SGCZ: variants seen among roughly 807,000 people sequenced by gnomAD.
The protein encoded by SGCZ is sarcoglycan zeta, also known as zeta-sarcoglycan.
In SGCZ, 40 loss-of-function variants were observed where a neutral mutation model predicts 41.3. That is an observed-to-expected ratio of 0.97 (90% CI 0.75 to 1.26). The LOEUF is 1.26. SGCZ is among the 50% of genes most tolerant of loss of function. The pLI is 0.00. For missense variants in SGCZ, 552 were observed against 369.8 expected (o/e 1.49, Z -4.04); for synonymous variants, 206 against 137.5 (o/e 1.50, Z -3.49).
intron 4 of SGCZ, among the ~76,000 whole-genome samples, chr8:14,216,463 A>G (rs1254780191): frequency 6.6e-6 from 1 of 152,184 alleles, no homozygotes. Flanking sequence ...ACAAGTCACA[A>G]ACAAACTTCC....
intron 1 of SGCZ, among the ~76,000 whole-genome samples, chr8:15,061,450 C>G (rs1332561462): frequency 6.6e-6 from 1 of 151,216 alleles, no homozygotes; most frequent in South Asian, 2.1e-4. Context: ...ATTGATGGGT[C>G]CAGCAAACCA....
intron 1 of SGCZ, among the ~76,000 whole-genome samples, chr8:15,195,161 G>A (rs1377840244): frequency 6.6e-6 from 1 of 152,184 alleles, no homozygotes; most frequent in African/African-American, 2.4e-5. Flanking sequence ...TCTAATCTAA[G>A]TCTTATCTAG....
rs1296014071 is a variant in SGCZ at position 14,324,206 on chromosome 8, T to C, written c.235-2A>G. The C allele has an allele frequency of 1.2e-6, 2 of 1,603,444 alleles. No homozygotes were observed. Among genetic ancestry groups the C allele is most frequent in the Non-Finnish European group, 1.7e-6 (2 of 1,171,160 alleles). On this transcript the variant is annotated splice_acceptor_variant, in intron 2 of 7. Coordinates refer to ENST00000382080, the MANE Select transcript of SGCZ (RefSeq NM_139167.4). LOFTEE classifies it high-confidence loss of function. ...GACTCTCAGATTTCCCATACCATCC[T>C]ACAAGCAATGAAATATAGTTCACTT...
intron 4 of SGCZ, among the ~76,000 whole-genome samples, chr8:14,194,225 G>A (rs780585442): frequency 6.6e-6 from 1 of 151,762 alleles, no homozygotes; most frequent in African/African-American, 2.4e-5. Flanking sequence ...ATGCAATAGT[G>A]GTAAGCAAGA....
intron 1 of SGCZ, among the ~76,000 whole-genome samples, chr8:14,825,791 G>T (rs1802287337): frequency 6.6e-6 from 1 of 152,104 alleles, no homozygotes. Flanking sequence ...ATGTAAGTGA[G>T]ATCATGTGGT....
chr8:14,255,541 ATTTGT>A lies in SGCZ; in HGVS notation c.337-17867_337-17863del, dbSNP rs148163220. 6.9e-3 allele frequency among the ~76,000 whole-genome samples: 1,051 copies of A among 152,242 alleles called. 12 individuals carry two copies. Among genetic ancestry groups the A allele is most frequent in the African/African-American group, 0.024 (999 of 41,534 alleles). On this transcript the variant is annotated intron_variant, in intron 3 of 7. Transcript: ENST00000382080. Reference sequence around the variant, plus strand: ...TGATAAAAAGACAATTACATTATAAATTTGTTTTATCATCGCTAAAAAGACAAAGT... The same window carrying A: ...TGATAAAAAGACAATTACATTATAAATTTATCATCGCTAAAAAGACAAAGT...
chr8:14,529,602 A>G (rs1313590968), intron 2 of SGCZ, among the ~76,000 whole-genome samples: 1 of 152,120 alleles, frequency 6.6e-6, no homozygotes, highest in Non-Finnish European at 1.5e-5. Context: ...TGCAATGGAG[A>G]GGTTTTATGT....
chr8:14,846,277 A>T (rs966071480), intron 1 of SGCZ, among the ~76,000 whole-genome samples: 3 of 152,164 alleles, frequency 2.0e-5, no homozygotes, highest in Admixed American at 6.5e-5. Flanking sequence ...ACCTGAATAT[A>T]TGAGGAAGTG....
intron 1 of SGCZ, among the ~76,000 whole-genome samples, chr8:14,950,837 A>G (rs1160415096): frequency 6.6e-6 from 1 of 152,034 alleles, no homozygotes; most frequent in African/African-American, 2.4e-5. Flanking sequence ...TTAGAAGTCT[A>G]ATCAAAAATG....
chr8:14,601,997 G>C (rs890237142), intron 1 of SGCZ, among the ~76,000 whole-genome samples: 1 of 152,056 alleles, frequency 6.6e-6, no homozygotes, highest in African/African-American at 2.4e-5. Context: ...GCGGGCGCCT[G>C]TAGTCCCAGC....
At chr8:14,605,391 TC>T (rs1237582286) in intron 1 of SGCZ, among the ~76,000 whole-genome samples, 1 of 152,164 alleles carries the variant, frequency 6.6e-6, no homozygotes, top group Non-Finnish European at 1.5e-5. Flanking sequence ...CAAGCATTTA[TC>T]CTTTGTGTTA....
At chr8:15,043,337 T>C (rs1804180027) in intron 1 of SGCZ, among the ~76,000 whole-genome samples, 1 of 152,212 alleles carries the variant, frequency 6.6e-6, no homozygotes, top group African/African-American at 2.4e-5. Context: ...TTGACCCTTA[T>C]ATAATTTTCA....
chr8:14,271,718 C>T (rs776230107), intron 3 of SGCZ, among the ~76,000 whole-genome samples: 7 of 152,148 alleles, frequency 4.6e-5, no homozygotes, highest in Non-Finnish European at 1.0e-4. Flanking sequence ...TCCTGACTTG[C>T]TCTGCAAACC....
At chr8:15,173,382 AAATG>A (rs1417980557) in intron 1 of SGCZ, among the ~76,000 whole-genome samples, 1 of 152,182 alleles carries the variant, frequency 6.6e-6, no homozygotes, top group Non-Finnish European at 1.5e-5. Flanking sequence ...TCATCTATAA[AAATG>A]GATGATGATA....
intron 1 of SGCZ, among the ~76,000 whole-genome samples, chr8:14,675,422 A>T (rs538615883): frequency 6.6e-6 from 1 of 152,288 alleles, no homozygotes; most frequent in African/African-American, 2.4e-5. Context: ...TTCACATATT[A>T]AATACAGAGG....
At chr8:14,352,647 G>A (rs933821382) in intron 2 of SGCZ, among the ~76,000 whole-genome samples, 3 of 152,060 alleles carry the variant, frequency 2.0e-5, no homozygotes, top group African/African-American at 7.2e-5. Flanking sequence ...CGTAGAGCTT[G>A]TTCCCAAAGA....
intron 1 of SGCZ, among the ~76,000 whole-genome samples, chr8:14,971,338 T>C (rs1172160407): frequency 6.6e-6 from 1 of 152,148 alleles, no homozygotes. Flanking sequence ...CGAATATCCT[T>C]GTTTTGTTCC....
At chr8:14,729,644 AAATC>A (rs56104484) in intron 1 of SGCZ, among the ~76,000 whole-genome samples, 56,365 of 150,728 alleles carry the variant, frequency 0.37, 10,689 homozygotes, top group East Asian at 0.49. Context: ...AGAGCGTTAA[AAATC>A]AATCAATCAA....
chr8:14,324,254 A>C, intron 2 of SGCZ, 50 bp from the exon 3 acceptor site: 1 of 1,345,022 alleles, frequency 7.4e-7, no homozygotes, highest in Admixed American at 1.7e-5. Flanking sequence ...GAGAATGAAT[A>C]TCTGGCCATA....
Sources: allele counts gnomAD v4.1 joint callset (sites outside exome capture counted in the v4.1 genomes callset), GRCh38; gene constraint gnomAD v4.1.1; transcripts MANE v1.5; gene names NCBI Gene and HGNC (gene_info 2026-07-23, HGNC 2026-07-21).